The following UNC13B variants were observed in gnomAD, a reference collection of about 807,000 sequenced individuals.
UNC13B encodes the protein protein unc-13 homolog B.
UNC13B carries 144 observed loss-of-function variants against 211.0 expected under a neutral mutation model. The ratio of observed to expected loss-of-function variants is 0.68; its 90% CI spans 0.60 to 0.78. The LOEUF (loss-of-function observed/expected upper bound fraction) is 0.78, where lower values mean the gene tolerates loss of function less well. Ranked by LOEUF, UNC13B falls within the 30% of genes least tolerant of loss-of-function variation. The pLI is 0.00. For missense variants in UNC13B, 1,777 were observed against 2,002.0 expected, an observed-to-expected ratio of 0.89 and a Z score of 2.14; for synonymous variants, 709 against 725.8, an observed-to-expected ratio of 0.98 and a Z score of 0.37.
At chr9:35,179,857 A>C (rs1400716397) in intron 1 of UNC13B, among the ~76,000 whole-genome samples, 1 of 152,200 alleles carries the variant, frequency 6.6e-6, no homozygotes, top group African/African-American at 2.4e-5. Flanking sequence ...GGTAAAGTTA[A>C]AGCATTAAGT....
intron 7 of UNC13B, among the ~76,000 whole-genome samples, chr9:35,260,295 TA>T (rs1375112527): frequency 7.2e-5 from 11 of 152,316 alleles, no homozygotes; most frequent in African/African-American, 2.6e-4. Flanking sequence ...TCTGAGACTT[TA>T]AGTATTCTAA....
chr9:35,387,554 CTGGT>C lies in UNC13B; in HGVS notation c.11094+1264_11094+1267del, dbSNP rs889984901. 3.9e-4 allele frequency among the ~76,000 whole-genome samples: 59 copies of C among 152,280 alleles called. 1 individual carries two copies. The highest frequency in any genetic ancestry group is 3.2e-3 in the Admixed American group (49 of 15,294). On this transcript the variant is annotated intron_variant, in intron 24 of 39. Transcript: ENST00000635942. ...CCTCTGTCATCTGTCTATGAAGTCT[CTGGT>C]TGAGGAAAGACACTGTTCTCATAAA...
Position 35,306,372 on chromosome 9 carries a change from A to G in UNC13B, c.6968A>G (p.Gln2323Arg). ...GTACCAGGGACATCAGTGGATTTCC[A>G]GATGAATGAATTGCAAAAAGACATT... ...NIVPGTSVDF[Q>R]MNELQKDIIP... The change falls in exon 9 of 40, where the codon CAG (glutamine) becomes CGG (arginine). Residue 2323 changes from glutamine to arginine, a missense_variant. Physicochemically the swap from Gln to Arg is conservative, Grantham distance 43. Coordinates refer to ENST00000635942, the MANE Select transcript of UNC13B (RefSeq NM_001371189.2). 2.5e-6 allele frequency: 1 copy of G among 399,064 alleles called. No homozygotes were observed. Among genetic ancestry groups the G allele is most frequent in the Non-Finnish European group, 4.4e-6 (1 of 226,042 alleles). The allele number at this position is 399,064 out of a possible 1,614,324, so 24.7% of individuals were successfully genotyped here. A position where few individuals can be genotyped will look rare whatever the true frequency, so the allele number is the denominator to read the frequency against.
chr9:35,311,537 T>A (rs1282769467), intron 10 of UNC13B, among the ~76,000 whole-genome samples: 1 of 152,186 alleles, frequency 6.6e-6, no homozygotes, highest in Admixed American at 6.5e-5. Flanking sequence ...TACAGGTATA[T>A]GTGTATGTGT....
intron 21 of UNC13B, 115 bp downstream of exon 21, chr9:35,382,622 G>A: frequency 7.8e-7 from 1 of 1,288,672 alleles, no homozygotes; most frequent in Non-Finnish European, 1.1e-6. Context: ...GAGTACAGTG[G>A]CGTGGTCTCG....
chr9:35,366,997 A>C lies in UNC13B; in HGVS notation c.9461+4A>C. On this transcript the variant is annotated splice_donor_region_variant and intron_variant, in intron 12 of 39. Transcript: ENST00000635942. ...TGCCTCAGTGGCTCCCGGAAGGGTA[A>C]GTAATTCACTGCAAGGTTTCTGTGG... 1 of 1,613,112 alleles carries C rather than the reference A, an allele frequency of 6.2e-7. No homozygotes were observed. Among genetic ancestry groups the C allele is most frequent in the Non-Finnish European group, 8.5e-7 (1 of 1,179,052 alleles).
chr9:35,201,189 C>T (rs1247570351), intron 1 of UNC13B, among the ~76,000 whole-genome samples: 1 of 152,186 alleles, frequency 6.6e-6, no homozygotes, highest in South Asian at 2.1e-4. Flanking sequence ...ATGAAGCCCA[C>T]TTGATCATGG....
At chr9:35,215,062 T>C (rs1349475878) in intron 1 of UNC13B, among the ~76,000 whole-genome samples, 1 of 152,124 alleles carries the variant, frequency 6.6e-6, no homozygotes, top group Non-Finnish European at 1.5e-5. Context: ...GAAGGAAGGA[T>C]TGAGATACAA....
intron 7 of UNC13B, among the ~76,000 whole-genome samples, chr9:35,265,538 A>G (rs1783108000): frequency 6.6e-6 from 1 of 152,252 alleles, no homozygotes; most frequent in Non-Finnish European, 1.5e-5. Flanking sequence ...ATGTAAATGC[A>G]TCTATACAAT....
At chr9:35,385,075 T>C (rs920772559) in intron 22 of UNC13B, 2 of 985,492 alleles carry the variant, frequency 2.0e-6, no homozygotes, top group East Asian at 2.3e-4. Context: ...AGTAGCCATT[T>C]GAAGGTTTAA....
At chr9:35,209,150 C>T (rs553855646) in intron 1 of UNC13B, among the ~76,000 whole-genome samples, 12 of 152,100 alleles carry the variant, frequency 7.9e-5, no homozygotes, top group South Asian at 2.1e-4. Flanking sequence ...CTGCAGTCTC[C>T]GCCTCACGAG....
intron 11 of UNC13B, among the ~76,000 whole-genome samples, chr9:35,337,765 T>A (rs150357988): frequency 6.6e-6 from 1 of 152,226 alleles, no homozygotes; most frequent in East Asian, 1.9e-4. Context: ...TCCACAAGAC[T>A]ATAGAAACAG....
intron 6 of UNC13B, among the ~76,000 whole-genome samples, chr9:35,246,365 T>C (rs1338939868): frequency 1.3e-5 from 2 of 152,188 alleles, no homozygotes; most frequent in East Asian, 3.8e-4. Flanking sequence ...TTAGATCCCA[T>C]TTGTCAATTT....
At chr9:35,403,324 A>G in intron 38 of UNC13B, 65 bp downstream of exon 38, 1 of 1,601,612 alleles carries the variant, frequency 6.2e-7, no homozygotes, top group South Asian at 1.1e-5. Flanking sequence ...ACTCAAAAGC[A>G]GGGGCTGCTC....
At chr9:35,329,452 G>T (rs533894915) in intron 11 of UNC13B, among the ~76,000 whole-genome samples, 1 of 151,942 alleles carries the variant, frequency 6.6e-6, no homozygotes, top group African/African-American at 2.4e-5. Flanking sequence ...AACCTTCTTG[G>T]CATCTTGATC....
chr9:35,271,814 A>G (rs1039221255), intron 7 of UNC13B, among the ~76,000 whole-genome samples: 3 of 152,292 alleles, frequency 2.0e-5, no homozygotes, highest in African/African-American at 7.2e-5. Flanking sequence ...GTGATTTAGC[A>G]TGTGACGAAG....
intron 2 of UNC13B, 27 bp from the exon 3 acceptor site, chr9:35,231,093 A>G: frequency 1.4e-6 from 2 of 1,448,994 alleles, no homozygotes; most frequent in Non-Finnish European, 1.9e-6. Flanking sequence ...ACTAAGTATT[A>G]TGTCTCCATT....
intron 1 of UNC13B, among the ~76,000 whole-genome samples, chr9:35,203,674 C>T (rs888570089): frequency 3.9e-5 from 6 of 152,134 alleles, no homozygotes; most frequent in African/African-American, 1.4e-4. Context: ...AATTTCCAAC[C>T]AGCAGAGTAT....
intron 6 of UNC13B, among the ~76,000 whole-genome samples, chr9:35,252,513 C>G (rs969397700): frequency 6.6e-6 from 1 of 151,662 alleles, no homozygotes; most frequent in Admixed American, 6.6e-5. Flanking sequence ...CACCTTGTTG[C>G]CCAGGCTGGT....
Sources: gnomAD v4.1 joint callset for allele counts (sites outside exome capture counted in the v4.1 genomes callset) on GRCh38, gnomAD v4.1.1 for gene constraint, MANE v1.5 for transcripts, NCBI Gene and HGNC (gene_info 2026-07-23, HGNC 2026-07-21) for gene names.